Variants in RCAN2 observed in about 807,000 individuals in gnomAD.
RCAN2 encodes regulator of calcineurin 2, also known as calcipressin-2.
A neutral mutation model predicts 23.6 loss-of-function variants in RCAN2; 9 were observed. That is an observed-to-expected ratio of 0.38 (90% CI 0.23 to 0.67). The LOEUF (loss-of-function observed/expected upper bound fraction) is 0.67, where lower values mean the gene tolerates loss of function less well. Among genes scored for constraint, RCAN2 ranks in the 30% least tolerant of loss-of-function variants. The probability of loss-of-function intolerance (pLI) is 0.51; values close to 1 mark genes in which losing one functional copy is unlikely to be tolerated. For missense variants in RCAN2, 273 were observed against 302.3 expected, an observed-to-expected ratio of 0.90 and a Z score of 0.72; for synonymous variants, 109 against 115.7, an observed-to-expected ratio of 0.94 and a Z score of 0.37.
intron 2 of RCAN2, among the ~76,000 whole-genome samples, chr6:46,289,236 AT>A (rs1044494156): frequency 8.6e-5 from 13 of 151,424 alleles, no homozygotes; most frequent in East Asian, 7.7e-4. Flanking sequence ...CAACTTCACT[AT>A]TTTTTCCCCC....
At chr6:46,263,481 G>A (rs1298524301) in intron 2 of RCAN2, among the ~76,000 whole-genome samples, 14 of 142,010 alleles carry the variant, frequency 9.9e-5, no homozygotes, top group African/African-American at 3.1e-4. Context: ...GTGTATGTGT[G>A]TGTGTGTGTG....
At chr6:46,434,083 T>C (rs150387186) in intron 2 of RCAN2, among the ~76,000 whole-genome samples, 1 of 152,344 alleles carries the variant, frequency 6.6e-6, no homozygotes, top group Admixed American at 6.5e-5. Context: ...TAAAATTTAC[T>C]CCCTCTGACC....
intron 2 of RCAN2, among the ~76,000 whole-genome samples, chr6:46,336,154 G>A (rs1764134628): frequency 6.6e-6 from 1 of 152,226 alleles, no homozygotes; most frequent in Non-Finnish European, 1.5e-5. Flanking sequence ...TTGGAAAGCA[G>A]CAAAAGTAGG....
chr6:46,318,010 A>C (rs1019963816), intron 2 of RCAN2, among the ~76,000 whole-genome samples: 1 of 152,322 alleles, frequency 6.6e-6, no homozygotes, highest in East Asian at 1.9e-4. Context: ...GTGATTGGAA[A>C]CAGTAGTTGG....
Position 46,383,814 on chromosome 6 carries a change from T to C in RCAN2, c.225+72938A>G, listed in dbSNP as rs150953714. On this transcript the variant is annotated intron_variant, in intron 2 of 4. Transcript: ENST00000371374. ...GCAGTACTATTCTGGAAGGTAAGAA[T>C]TATCTCAAATGCTAAGTATTATTGA... Among the ~76,000 whole-genome samples, 205 of 152,300 alleles carry C rather than the reference T, an allele frequency of 1.3e-3. No individual in the cohort carries two copies. The Middle Eastern group carries it at 0.017, about 13-fold the overall frequency.
At chr6:46,287,992 C>A (rs1201237222) in intron 2 of RCAN2, among the ~76,000 whole-genome samples, 1 of 152,192 alleles carries the variant, frequency 6.6e-6, no homozygotes, top group Non-Finnish European at 1.5e-5. Flanking sequence ...TCCCTGCACC[C>A]AAACCCCCAC....
intron 2 of RCAN2, among the ~76,000 whole-genome samples, chr6:46,367,713 A>G (rs1010229596): frequency 6.6e-6 from 1 of 152,164 alleles, no homozygotes; most frequent in Non-Finnish European, 1.5e-5. Context: ...TTATCTTTGA[A>G]ACACATATAA....
intron 2 of RCAN2, among the ~76,000 whole-genome samples, chr6:46,315,591 T>C (rs1763407538): frequency 6.6e-6 from 1 of 151,636 alleles, no homozygotes; most frequent in African/African-American, 2.4e-5. Flanking sequence ...GGAGATGAGG[T>C]CAGCAGGGCT....
At chr6:46,328,943 G>A (rs149166824) in intron 2 of RCAN2, among the ~76,000 whole-genome samples, 27 of 152,242 alleles carry the variant, frequency 1.8e-4, no homozygotes, top group Admixed American at 5.2e-4. Context: ...GGGCTGACTT[G>A]CAGCCTTGGA....
intron 2 of RCAN2, among the ~76,000 whole-genome samples, chr6:46,255,505 G>A (rs991719339): frequency 1.3e-5 from 2 of 152,164 alleles, no homozygotes; most frequent in South Asian, 2.1e-4. Flanking sequence ...AAACCCAAAA[G>A]ATAATTTTGT....
At chr6:46,346,470 A>C (rs1184686518) in intron 2 of RCAN2, among the ~76,000 whole-genome samples, 2 of 152,176 alleles carry the variant, frequency 1.3e-5, no homozygotes, top group African/African-American at 2.4e-5. Flanking sequence ...ATCAGTATAA[A>C]TATTTATGTG....
chr6:46,248,386 A>G (rs1766593644), intron 3 of RCAN2, among the ~76,000 whole-genome samples: 1 of 152,298 alleles, frequency 6.6e-6, no homozygotes, highest in Middle Eastern at 3.4e-3. Flanking sequence ...GCGGGCATTT[A>G]TTGTGTATTT....
At chr6:46,488,747 C>T (rs1769060951) in intron 1 of RCAN2, among the ~76,000 whole-genome samples, 1 of 152,198 alleles carries the variant, frequency 6.6e-6, no homozygotes, top group Non-Finnish European at 1.5e-5. Flanking sequence ...GACATCTAAG[C>T]TTCTCCTTCC....
At chr6:46,440,902 T>C (rs1767522289) in intron 2 of RCAN2, among the ~76,000 whole-genome samples, 1 of 152,216 alleles carries the variant, frequency 6.6e-6, no homozygotes, top group African/African-American at 2.4e-5. Flanking sequence ...ATGTGGAAAC[T>C]GAGATTAACC....
At chr6:46,420,673 A>C (rs548596032) in intron 2 of RCAN2, among the ~76,000 whole-genome samples, 1 of 151,542 alleles carries the variant, frequency 6.6e-6, no homozygotes, top group Non-Finnish European at 1.5e-5. Flanking sequence ...CCTCCCAAGT[A>C]GCTGGGATTA....
chr6:46,324,567 G>A (rs1487040438), intron 2 of RCAN2, among the ~76,000 whole-genome samples: 3 of 152,200 alleles, frequency 2.0e-5, no homozygotes, highest in Non-Finnish European at 2.9e-5. Context: ...TGAGTGAACT[G>A]TTTAAATAAG....
intron 2 of RCAN2, among the ~76,000 whole-genome samples, chr6:46,253,112 T>C (rs1327379756): frequency 6.6e-6 from 1 of 152,212 alleles, no homozygotes; most frequent in African/African-American, 2.4e-5. Flanking sequence ...CTTGACCAAT[T>C]TCAATACAGT....
chr6:46,346,329 A>C (rs1344416277), intron 2 of RCAN2, among the ~76,000 whole-genome samples: 1 of 152,174 alleles, frequency 6.6e-6, no homozygotes, highest in African/African-American at 2.4e-5. Flanking sequence ...GACTCAGGAA[A>C]CAAAGAAAGA....
At position 46,230,158 on chromosome 6, in the gene RCAN2, C is replaced by T. The variant is rs139716481; in HGVS notation, c.572-6857G>A. ...CTGGAAGCTTCGTCTCAGAGGGGCACCTGGCTGTATGAGGTGTCAGTTGGC... is the reference window on the plus strand; with the variant it reads ...CTGGAAGCTTCGTCTCAGAGGGGCATCTGGCTGTATGAGGTGTCAGTTGGC... On this transcript the variant is annotated intron_variant, in intron 4 of 4. Transcript: ENST00000371374. 8.0e-3 allele frequency among the ~76,000 whole-genome samples: 1,223 copies of T among 152,264 alleles called. 27 individuals are homozygous for T. Among genetic ancestry groups the T allele is most frequent in the African/African-American group, 0.028 (1,180 of 41,544 alleles).
Sources: allele counts gnomAD v4.1 joint callset (sites outside exome capture counted in the v4.1 genomes callset), GRCh38; gene constraint gnomAD v4.1.1; transcripts MANE v1.5; gene names NCBI Gene and HGNC (gene_info 2026-07-23, HGNC 2026-07-21).